AJUBA: variants seen among roughly 807,000 people sequenced by gnomAD.
AJUBA encodes the protein ajuba LIM protein, also known as LIM domain-containing protein ajuba.
A neutral mutation model predicts 53.3 loss-of-function variants in AJUBA; 20 were observed. That is an observed-to-expected ratio of 0.38 (90% CI 0.26 to 0.55). AJUBA has a LOEUF of 0.55. AJUBA is among the 20% of genes least tolerant of loss of function. AJUBA has a pLI of 0.80. For synonymous variants in AJUBA, 296 were observed against 306.2 expected (o/e 0.97, Z 0.35); for missense variants, 580 against 730.5 (o/e 0.79, Z 2.38).
In AJUBA at chr14:22,981,643, G is replaced by T. The variant is rs778363490; in HGVS notation, c.624C>A (p.His208Gln). 5.9e-6 allele frequency: 9 copies of T among 1,516,702 alleles called. No homozygotes were observed. The highest frequency in any genetic ancestry group is 5.5e-5 in the African/African-American group (4 of 72,892). 94.0% of individuals were successfully genotyped at this position (1,516,702 alleles called of 1,614,324 possible). A position where few individuals can be genotyped will look rare whatever the true frequency, so the allele number is the denominator to read the frequency against. Residue 208 changes from histidine to glutamine, a missense_variant, in exon 1 of 8, where the codon CAC (histidine) becomes CAA (glutamine). Coordinates refer to ENST00000262713, the MANE Select transcript of AJUBA (RefSeq NM_032876.6). ...GGVPSAYPEL[H>Q]AALDRLYAQR... ...GAGCGTACAATCGGTCCAGGGCGGC[G>T]TGGAGCTCCGGGTAGGCGGACGGGA...
chr14:22,982,417 A>G lies in AJUBA; in HGVS notation c.-151T>C. On this transcript the variant is annotated 5_prime_UTR_variant, in exon 1 of 8. Transcript: ENST00000262713. ...GCGGGCGGCCTGGATGCCCTGCGCC[A>G]GGAATCCCACAGCATCCCCCAGCGG... 2 of 1,449,414 alleles carry G rather than the reference A, an allele frequency of 1.4e-6. No individual in the cohort carries two copies. The highest frequency in any genetic ancestry group is 1.8e-6 in the Non-Finnish European group (2 of 1,110,186). The allele number at this position is 1,449,414 out of a possible 1,614,324, so 89.8% of individuals were successfully genotyped here.
chr14:22,974,040 C>G lies in AJUBA; in HGVS notation c.1491+7G>C. 6.2e-7 allele frequency: 1 copy of G among 1,614,158 alleles called. No individual in the cohort carries two copies. The highest frequency in any genetic ancestry group is 8.5e-7 in the Non-Finnish European group (1 of 1,180,014). On this transcript the variant is annotated splice_region_variant and intron_variant, in intron 7 of 7. Coordinates refer to ENST00000262713, the MANE Select transcript of AJUBA (RefSeq NM_032876.6). ...CTTCTCCAGCACCGCTGAACCCCAA[C>G]ACTCACCTCACAGTGGTAGCACTCA...
rs757779082 is a variant in AJUBA, at chr14:22,981,457, G to A, written c.810C>T (p.Cys270=). 9.9e-6 allele frequency: 16 copies of A among 1,609,024 alleles called. No individual in the cohort carries two copies. In the African/African-American group the frequency reaches 1.6e-4, roughly 16 times the overall value. The change falls in exon 1 of 8, where the codon TGC becomes TGT. Residue 270 remains cysteine, a synonymous_variant. Coordinates refer to ENST00000262713, the MANE Select transcript of AJUBA (RefSeq NM_032876.6). ...GRHSVTGYGD[C]AVGARYQDEL... is the part of the protein sequence containing the mutation. The stretch of plus-strand genomic sequence containing the variant: ...CGTCCTGGTACCGGGCGCCCACGGC[G>A]CAGTCCCCGTAGCCGGTCACAGAGT...
At position 22,974,080 on chromosome 14, in the gene AJUBA, G is replaced by A. The variant is rs759060977; in HGVS notation, c.1458C>T (p.Asp486=). ...GGTAGCACTCAAAGTGATAATCCCG[G>A]TCCATGGATATCACCCTCACGATGT... ...CEDIVRVISM[D]RDYHFECYHC... The change falls in exon 7 of 8, where the codon GAC becomes GAT. Residue 486 remains aspartate (D), a synonymous_variant. Transcript: ENST00000262713. 14 of 1,614,010 alleles carry A rather than the reference G, an allele frequency of 8.7e-6. No homozygotes were observed. The highest frequency in any genetic ancestry group is 1.2e-5 in the Non-Finnish European group (14 of 1,180,016).
rs932938063 is a variant in AJUBA at position 22,979,041 on chromosome 14, G to A, written c.1007-596C>T. The A allele has an allele frequency of 1.6e-6, 2 of 1,288,932 alleles. No homozygotes were observed. Among genetic ancestry groups the A allele is most frequent in the African/African-American group, 3.0e-5 (2 of 65,848 alleles). The allele number at this position is 1,288,932 out of a possible 1,614,324, so 79.8% of individuals were successfully genotyped here. A position where few individuals can be genotyped will look rare whatever the true frequency, so the allele number is the denominator to read the frequency against. On this transcript the variant is annotated intron_variant, in intron 1 of 7. Coordinates refer to ENST00000262713, the MANE Select transcript of AJUBA (RefSeq NM_032876.6). The surrounding 1 kb of genome is among the most constrained non-coding windows in gnomAD (Gnocchi z 4.0). ...GGGACCATGTGAGCATGATTCCTGTGGGGAGGTGGCTGCTGAGAATGCAGG... is the reference window on the plus strand; with the variant it reads ...GGGACCATGTGAGCATGATTCCTGTAGGGAGGTGGCTGCTGAGAATGCAGG...
rs979292121 is a variant in AJUBA, at chr14:22,973,397, C to T, written c.*46G>A. On this transcript the variant is annotated 3_prime_UTR_variant, in exon 8 of 8. Coordinates refer to ENST00000262713, the MANE Select transcript of AJUBA (RefSeq NM_032876.6). ...GCTGGCCTCAGAGGGGCCCACTGGCCACAGCAGTTTGTCTGCAGGGTGACA... is the reference window on the plus strand; with the variant it reads ...GCTGGCCTCAGAGGGGCCCACTGGCTACAGCAGTTTGTCTGCAGGGTGACA... 6.4e-7 allele frequency: 1 copy of T among 1,574,410 alleles called. No individual in the cohort carries two copies.
At chr14:22,978,929 C>A (rs941722) in intron 1 of AJUBA, 44,705 of 1,288,648 alleles carry the variant, frequency 0.035, 948 homozygotes, top group African/African-American at 0.091. Flanking sequence ...GTCAAACGAG[C>A]TGTTCAGTTA....
Position 22,971,641 on chromosome 14 carries a change from A to G in AJUBA, c.*1802T>C, listed in dbSNP as rs753112817. 3.3e-5 allele frequency: 5 copies of G among 152,234 alleles called. No individual in the cohort carries two copies. Among genetic ancestry groups the G allele is most frequent in the Non-Finnish European group, 7.3e-5 (5 of 68,028 alleles). 9.4% of individuals were successfully genotyped at this position (152,234 alleles called of 1,614,324 possible). A position where few individuals can be genotyped will look rare whatever the true frequency, so the allele number is the denominator to read the frequency against. The stretch of plus-strand genomic sequence containing the variant: ...CTGTATAACTTTTCATTGTAAGTCA[A>G]CTGAATATGCCTCATGCCTATTCAT... On this transcript the variant is annotated 3_prime_UTR_variant, in exon 8 of 8. Coordinates refer to ENST00000262713, the MANE Select transcript of AJUBA (RefSeq NM_032876.6).
chr14:22,973,467 T>C lies in AJUBA; in HGVS notation c.1593A>G (p.Arg531=). 1 of 1,613,054 alleles carries C rather than the reference T, an allele frequency of 6.2e-7. No homozygotes were observed. The highest frequency in any genetic ancestry group is 8.5e-7 in the Non-Finnish European group (1 of 1,179,546). ...CTCAGATATAGTTGGCAGGGGGTTGTCGGGCATTGAGCCGCTGCATGTGGC... is the reference window on the plus strand; with the variant it reads ...CTCAGATATAGTTGGCAGGGGGTTGCCGGGCATTGAGCCGCTGCATGTGGC... ...HGCHMQRLNA[R]QPPANYI Residue 531 remains arginine, a synonymous_variant, in exon 8 of 8, where the codon CGA becomes CGG. Transcript: ENST00000262713.
chr14:22,980,313 C>T (rs1260703610), intron 1 of AJUBA, among the ~76,000 whole-genome samples: 1 of 152,196 alleles, frequency 6.6e-6, no homozygotes, highest in Non-Finnish European at 1.5e-5. Flanking sequence ...CCTAATGTTC[C>T]TCATAGCTGA....
At chr14:22,974,217 A>C in intron 6 of AJUBA, 102 bp from the exon 7 acceptor site, 2 of 1,212,672 alleles carry the variant, frequency 1.6e-6, no homozygotes, top group Non-Finnish European at 2.4e-6. Flanking sequence ...GATCATACAA[A>C]TGCCCCCAGA....
chr14:22,976,692 C>A lies in AJUBA; in HGVS notation c.1129G>T (p.Ala377Ser). The part of the protein sequence containing the change: ...CSCGRTLRCK[A>S]FYSVNGSVYC... Reference sequence around the variant, plus strand: ...ACAGAGCCATTGACACTGTAGAAAGCCTTGCAACGCAAAGTTCGCCCTAGA... The same window carrying A: ...ACAGAGCCATTGACACTGTAGAAAGACTTGCAACGCAAAGTTCGCCCTAGA... The change falls in exon 3 of 8, where the codon GCT becomes TCT. Residue 377 changes from alanine (A) to serine (S), a missense_variant. By Grantham distance (99) the Ala-to-Ser change is moderately conservative. Around this residue, in one of 2 missense-constraint regions of AJUBA, gnomAD observed 150 missense variants for 259.0 expected, o/e 0.58. Transcript: ENST00000262713. The A allele has an allele frequency of 6.2e-7, 1 of 1,614,068 alleles. No homozygotes were observed. Among genetic ancestry groups the A allele is most frequent in the South Asian group, 1.1e-5 (1 of 91,056 alleles).
rs2044995039 is a variant in AJUBA, at chr14:22,972,643, T to C, written c.*800A>G. On this transcript the variant is annotated 3_prime_UTR_variant, in exon 8 of 8. Transcript: ENST00000262713. The stretch of plus-strand genomic sequence containing the variant: ...GAGCTGGTCCCCATTCTCAGACAGA[T>C]AAGGAGCTCTCCTAGTCCTTAGAAG... 1 of 152,626 alleles carries C rather than the reference T, an allele frequency of 6.6e-6. No individual in the cohort carries two copies. Among genetic ancestry groups the C allele is most frequent in the South Asian group, 2.1e-4 (1 of 4,830 alleles). 9.5% of individuals were successfully genotyped at this position (152,626 alleles called of 1,614,324 possible).
intron 1 of AJUBA, chr14:22,978,931 G>A (rs1273993266): frequency 5.4e-6 from 7 of 1,289,028 alleles, no homozygotes; most frequent in East Asian, 5.5e-5. Flanking sequence ...CAAACGAGCT[G>A]TTCAGTTATA....
intron 2 of AJUBA, chr14:22,977,202 A>G (rs1466729809): frequency 5.1e-6 from 5 of 989,394 alleles, no homozygotes; most frequent in African/African-American, 1.7e-5. Context: ...GACAGACTCC[A>G]TGGAGGTCAG....
Position 22,975,004 on chromosome 14 carries a change from T to C in AJUBA, c.1340A>G (p.Asn447Ser). Residue 447 changes from asparagine (N) to serine (S), a missense_variant, in exon 5 of 8, where the codon AAC (asparagine) becomes AGC (serine). Asn to Ser is a conservative substitution (Grantham distance 46). Transcript: ENST00000262713. The stretch of plus-strand genomic sequence containing the variant: ...GTAGTCGGTGACACAGTATACTTGG[T>C]TGGAGAAGTCCACTGTGAAGGGGAT... Reference protein sequence around the residue: ...DGIPFTVDFSNQVYCVTDYHK... With the variant: ...DGIPFTVDFSSQVYCVTDYHK... 1.9e-6 allele frequency: 3 copies of C among 1,614,254 alleles called. No homozygotes were observed. The highest frequency in any genetic ancestry group is 2.5e-6 in the Non-Finnish European group (3 of 1,180,046).
rs1451175581 is a variant in AJUBA at position 22,972,165 on chromosome 14, A to G, written c.*1278T>C. On this transcript the variant is annotated 3_prime_UTR_variant, in exon 8 of 8. Transcript: ENST00000262713. ...TTTTAAGAGATCTAGCTTTAGGTGA[A>G]CTAGTTTCAAGCAAACTGACTAGTA... 3 of 152,526 alleles carry G rather than the reference A, an allele frequency of 2.0e-5. No individual in the cohort carries two copies. The highest frequency in any genetic ancestry group is 7.2e-5 in the African/African-American group (3 of 41,458). The allele number at this position is 152,526 out of a possible 1,614,324, so 9.4% of individuals were successfully genotyped here.
rs1224424555 is a variant in AJUBA at position 22,973,476 on chromosome 14, G to C, written c.1584C>G (p.Leu528=). 1 of 1,613,500 alleles carries C rather than the reference G, an allele frequency of 6.2e-7. No homozygotes were observed. The highest frequency in any genetic ancestry group is 8.5e-7 in the Non-Finnish European group (1 of 1,179,812). ...LLCHGCHMQR[L]NARQPPANYI is the part of the protein sequence containing the mutation. ...AGTTGGCAGGGGGTTGTCGGGCATT[G>C]AGCCGCTGCATGTGGCAACCATGGC... The change falls in exon 8 of 8, where the codon CTC becomes CTG. Residue 528 remains leucine, a synonymous_variant. Coordinates refer to ENST00000262713, the MANE Select transcript of AJUBA (RefSeq NM_032876.6).
At chr14:22,980,613 G>C in intron 1 of AJUBA, 1 of 985,368 alleles carries the variant, frequency 1.0e-6, no homozygotes, top group South Asian at 4.7e-5. Flanking sequence ...CTAGCCAACA[G>C]GACTGGGGAG....
Sources: allele counts gnomAD v4.1 joint callset (sites outside exome capture counted in the v4.1 genomes callset), GRCh38; gene constraint gnomAD v4.1.1; regional missense constraint gnomAD v4.1.1; non-coding constraint Gnocchi (gnomAD v3.1); transcripts MANE v1.5; gene names NCBI Gene and HGNC (gene_info 2026-07-23, HGNC 2026-07-21).